STK32A: variants seen among roughly 807,000 people sequenced by gnomAD.
The protein encoded by STK32A is serine/threonine-protein kinase 32A.
STK32A carries 41 observed loss-of-function variants against 53.2 expected under a neutral mutation model. The observed-to-expected ratio is 0.77, with a 90% CI of 0.60 to 1.00. STK32A has a LOEUF of 1.00. Among genes scored for constraint, STK32A ranks in the 50% least tolerant of loss-of-function variants. The pLI is 0.00. For synonymous variants in STK32A, 166 were observed against 162.8 expected, an observed-to-expected ratio of 1.02 and a Z score of -0.15; for missense variants, 458 against 485.8, an observed-to-expected ratio of 0.94 and a Z score of 0.54.
At chr5:147,311,161 C>A (rs933337901) in intron 4 of STK32A, among the ~76,000 whole-genome samples, 2 of 151,988 alleles carry the variant, frequency 1.3e-5, no homozygotes, top group African/African-American at 4.8e-5. Context: ...TTTTCATGAC[C>A]CCTGCAATCA....
chr5:147,332,853 T>C (rs1754940820), intron 5 of STK32A, among the ~76,000 whole-genome samples: 2 of 152,320 alleles, frequency 1.3e-5, no homozygotes, highest in South Asian at 4.1e-4. Context: ...TTCTTTGTGT[T>C]GTATGCATCA....
intron 2 of STK32A, among the ~76,000 whole-genome samples, chr5:147,242,896 T>G (rs1386054712): frequency 6.6e-6 from 1 of 152,210 alleles, no homozygotes; most frequent in Non-Finnish European, 1.5e-5. Flanking sequence ...TGTATCTGAT[T>G]GCTGTGAAGC....
chr5:147,262,597 ACAAAAC>A (rs370535461), intron 2 of STK32A, among the ~76,000 whole-genome samples: 36,623 of 140,210 alleles, frequency 0.26, 4,723 homozygotes, highest in Admixed American at 0.34. Flanking sequence ...AAAAAACAAA[ACAAAAC>A]AAAAAAAAAC....
Position 147,324,081 on chromosome 5 carries a change from G to T in STK32A, c.434+10G>T. 1 of 1,592,950 alleles carries T rather than the reference G, an allele frequency of 6.3e-7. No homozygotes were observed. Among genetic ancestry groups the T allele is most frequent in the Non-Finnish European group, 8.6e-7 (1 of 1,169,508 alleles). On this transcript the variant is annotated intron_variant, in intron 5 of 12. Transcript: ENST00000397936. The stretch of plus-strand genomic sequence containing the variant: ...AGCGCATCATTCACAGGTCAGTCAA[G>T]TCCAAGGAGATGGCCATGAACGTAA...
At chr5:147,255,596 C>T (rs1754194806) in intron 2 of STK32A, among the ~76,000 whole-genome samples, 1 of 152,166 alleles carries the variant, frequency 6.6e-6, no homozygotes, top group Non-Finnish European at 1.5e-5. Flanking sequence ...TCTAATACTT[C>T]CATTAGGGGC....
At chr5:147,373,850 G>A (rs1344606332) in intron 10 of STK32A, among the ~76,000 whole-genome samples, 1 of 152,284 alleles carries the variant, frequency 6.6e-6, no homozygotes, top group Non-Finnish European at 1.5e-5. Flanking sequence ...ACTGCATTAT[G>A]CTGGTAAGAG....
At chr5:147,383,393 T>G in intron 11 of STK32A, 48 bp from the exon 12 acceptor site, 1 of 1,488,932 alleles carries the variant, frequency 6.7e-7, no homozygotes, top group Non-Finnish European at 9.2e-7. Context: ...AAGATTCTCA[T>G]TTGTCTGCTA....
chr5:147,346,359 C>A (rs1263614194), intron 6 of STK32A, among the ~76,000 whole-genome samples: 1 of 152,144 alleles, frequency 6.6e-6, no homozygotes. Flanking sequence ...CTCTCTGGTG[C>A]CCCCTATGCG....
intron 2 of STK32A, among the ~76,000 whole-genome samples, chr5:147,253,512 C>T (rs1424253477): frequency 6.6e-6 from 1 of 152,058 alleles, no homozygotes; most frequent in East Asian, 1.9e-4. Flanking sequence ...ACTACCACGC[C>T]CGGCTAATTT....
chr5:147,284,725 T>G (rs1180976169), intron 4 of STK32A, among the ~76,000 whole-genome samples: 1 of 148,732 alleles, frequency 6.7e-6, no homozygotes, highest in Non-Finnish European at 1.5e-5. Flanking sequence ...AAACAAATAC[T>G]TAGGAATATA....
intron 2 of STK32A, among the ~76,000 whole-genome samples, chr5:147,252,094 C>T (rs1430989352): frequency 2.6e-5 from 4 of 151,876 alleles, no homozygotes. Context: ...CTACGGTGAG[C>T]TGTAATTGCA....
At chr5:147,370,901 T>C in intron 9 of STK32A, 131 bp downstream of exon 9, 1 of 505,166 alleles carries the variant, frequency 2.0e-6, no homozygotes, top group East Asian at 3.1e-5. Context: ...ATTTTCTAGC[T>C]GTTAGCTTTC....
In STK32A at chr5:147,361,589, C is replaced by T. The variant is rs371847259; in HGVS notation, c.635C>T (p.Thr212Met). ...FAVDWWSLGV[T>M]AYELLRGRRP... ...GTTGACTGGTGGTCCCTGGGAGTGA[C>T]GGCATATGAACTGCTGAGAGGCCGG... Residue 212 changes from threonine to methionine, a missense_variant, in exon 8 of 13, where the codon ACG (threonine) becomes ATG (methionine). Thr to Met is a moderately conservative substitution (Grantham distance 81). Coordinates refer to ENST00000397936, the MANE Select transcript of STK32A (RefSeq NM_001112724.2). 8.9e-5 allele frequency: 143 copies of T among 1,613,042 alleles called. 1 individual carries two copies. Among genetic ancestry groups the T allele is most frequent in the African/African-American group, 1.7e-4 (13 of 75,002 alleles).
In STK32A at chr5:147,374,622, C is replaced by T. The variant is rs1254693625; in HGVS notation, c.904-468C>T. Among the ~76,000 whole-genome samples the T allele has an allele frequency of 3.3e-5, 5 of 152,244 alleles. No individual in the cohort carries two copies. In the East Asian group the frequency reaches 7.8e-4, roughly 24 times the overall value. The stretch of plus-strand genomic sequence containing the variant: ...CCCTGCAATTAGCCATCAATGCTGG[C>T]TCAAAAGAAGTTCTACGTTATGCTT... On this transcript the variant is annotated intron_variant, in intron 10 of 12. Transcript: ENST00000397936.
chr5:147,353,651 T>C lies in STK32A; in HGVS notation c.562+2497T>C, dbSNP rs1011795259. Among the ~76,000 whole-genome samples, 3 of 152,066 alleles carry C rather than the reference T, an allele frequency of 2.0e-5. No homozygotes were observed. The East Asian group carries it at 5.8e-4, about 29-fold the overall frequency. ...GGCGTGCATCTGTAGTCATAGCTAC[T>C]CGGGAGGCTGAGGCAGGAAAATCAC... is the stretch of plus-strand genomic sequence containing the variant. On this transcript the variant is annotated intron_variant, in intron 7 of 12. Transcript: ENST00000397936.
chr5:147,319,655 T>C (rs1238269441), intron 4 of STK32A, among the ~76,000 whole-genome samples: 1 of 152,160 alleles, frequency 6.6e-6, no homozygotes, highest in African/African-American at 2.4e-5. Flanking sequence ...GGTTTTAAAA[T>C]GTAAATTTGT....
chr5:147,384,678 C>A lies in STK32A; in HGVS notation c.*695C>A. The A allele has an allele frequency of 2.4e-6, 1 of 408,770 alleles. No individual in the cohort carries two copies. The highest frequency in any genetic ancestry group is 4.3e-6 in the Non-Finnish European group (1 of 230,836). 25.3% of individuals were successfully genotyped at this position (408,770 alleles called of 1,614,324 possible). ...GGTAATAATGGGAGCATTTACACCACGGAAACTGGTAAATGCTCGTTTTTT... is the reference window on the plus strand; with the variant it reads ...GGTAATAATGGGAGCATTTACACCAAGGAAACTGGTAAATGCTCGTTTTTT... On this transcript the variant is annotated 3_prime_UTR_variant, in exon 13 of 13. Coordinates refer to ENST00000397936, the MANE Select transcript of STK32A (RefSeq NM_001112724.2).
rs894706193 is a variant in STK32A at position 147,357,771 on chromosome 5, C to T, written c.563-3746C>T. On this transcript the variant is annotated intron_variant, in intron 7 of 12. Coordinates refer to ENST00000397936, the MANE Select transcript of STK32A (RefSeq NM_001112724.2). ...TCAGTTGTATATTATTTTGACTGAA[C>T]GGATGTGGCAAGGATCTGACTTTAT... 4.9e-4 allele frequency among the ~76,000 whole-genome samples: 75 copies of T among 152,018 alleles called. 3 individuals are homozygous for T. The highest frequency in any genetic ancestry group is 4.1e-3 in the Admixed American group (63 of 15,264).
chr5:147,251,446 G>A (rs1753993637), intron 2 of STK32A, among the ~76,000 whole-genome samples: 1 of 152,176 alleles, frequency 6.6e-6, no homozygotes, highest in Non-Finnish European at 1.5e-5. Flanking sequence ...TAGCAGGACT[G>A]GACAGAGGCA....
Sources: allele counts gnomAD v4.1 joint callset (sites outside exome capture counted in the v4.1 genomes callset), GRCh38; gene constraint gnomAD v4.1.1; transcripts MANE v1.5; gene names NCBI Gene and HGNC (gene_info 2026-07-23, HGNC 2026-07-21).